The following TMC4 variants were observed in gnomAD, a reference collection of about 807,000 sequenced individuals.
TMC4 encodes voltage-gated chloride channel TMC4.
A neutral mutation model predicts 82.0 loss-of-function variants in TMC4; 70 were observed. That is an observed-to-expected ratio of 0.85 (90% CI 0.70 to 1.04). The LOEUF is 1.04. Among genes scored for constraint, TMC4 ranks in the 50% least tolerant of loss-of-function variants. The probability of loss-of-function intolerance (pLI) is 0.00; values close to 1 mark genes in which losing one functional copy is unlikely to be tolerated. For synonymous variants in TMC4, 446 were observed against 406.0 expected (o/e 1.10, Z -1.18); for missense variants, 879 against 899.0 (o/e 0.98, Z 0.28).
chr19:54,161,448 A>T (rs527957505), intron 11 of TMC4, among the ~76,000 whole-genome samples, 188 bp from the exon 12 acceptor site: 258 of 142,502 alleles, frequency 1.8e-3, no homozygotes, highest in Middle Eastern at 0.013. Context: ...TCCCGGGTTC[A>T]AGCTATTCTC....
At chr19:54,163,192 C>A (rs1253599218) in intron 8 of TMC4, 33 bp from the exon 9 acceptor site, 1 of 1,612,802 alleles carries the variant, frequency 6.2e-7, no homozygotes, top group East Asian at 2.2e-5. Context: ...TGGGCCCTGA[C>A]CCGGTACCCA....
At chr19:54,168,908 T>TTTC (rs1568746294) in intron 3 of TMC4, among the ~76,000 whole-genome samples, 1 of 15,370 alleles carries the variant, frequency 6.5e-5, no homozygotes, top group Non-Finnish European at 1.1e-4. Context: ...TTCTTTCTTC[T>TTTC]TTCTTTCCTT....
intron 12 of TMC4, 36 bp downstream of exon 12, chr19:54,161,094 G>C: frequency 6.2e-7 from 1 of 1,601,792 alleles, no homozygotes; most frequent in South Asian, 1.1e-5. Flanking sequence ...AATGGGGAGA[G>C]AGGGAGGGAG....
chr19:54,172,875 G>T, intron 1 of TMC4, 164 bp downstream of exon 1: 1 of 652,054 alleles, frequency 1.5e-6, no homozygotes, highest in East Asian at 2.8e-5. Flanking sequence ...TCAGACCCTG[G>T]AGTTCCAGCC....
intron 9 of TMC4, 85 bp from the exon 10 acceptor site, chr19:54,162,855 T>C: frequency 7.3e-6 from 11 of 1,505,880 alleles, no homozygotes; most frequent in Non-Finnish European, 9.2e-6. Context: ...ATCGCAAGCC[T>C]ATGAGACCCT....
intron 3 of TMC4, among the ~76,000 whole-genome samples, chr19:54,168,891 C>CTTTTCT (rs1198322520): frequency 4.3e-5 from 1 of 23,388 alleles, no homozygotes. Context: ...TCTTTTCTTT[C>CTTTTCT]TTTCCTTTCT....
intron 7 of TMC4, 152 bp downstream of exon 7, chr19:54,164,282 C>T: frequency 9.3e-7 from 1 of 1,077,538 alleles, no homozygotes; most frequent in South Asian, 1.6e-5. Flanking sequence ...CTCTCTTTTT[C>T]CTTTAAAATC....
intron 1 of TMC4, 122 bp downstream of exon 1, chr19:54,172,917 A>T (rs540853428): frequency 1.2e-6 from 1 of 810,138 alleles, no homozygotes; most frequent in South Asian, 1.8e-5. Flanking sequence ...AATATCAGGA[A>T]GTGGAACCTT....
At chr19:54,161,393 C>CT (rs2075551145) in intron 11 of TMC4, 133 bp from the exon 12 acceptor site, 7 of 1,098,392 alleles carry the variant, frequency 6.4e-6, no homozygotes, top group African/African-American at 3.3e-5. Flanking sequence ...GAGTCTCGCT[C>CT]TGTCGCCCAG....
intron 6 of TMC4, among the ~76,000 whole-genome samples, chr19:54,165,070 C>CT (rs34861271): frequency 0.24 from 31,990 of 136,006 alleles, 4,213 homozygotes; most frequent in Non-Finnish European, 0.29. Flanking sequence ...AAAAAACAAA[C>CT]TTTTTTTTTT....
In TMC4 at chr19:54,168,578, G is replaced by T. The variant is rs759918724; in HGVS notation, c.545C>A (p.Pro182His). Residue 182 changes from proline (P) to histidine (H), a missense_variant, in exon 4 of 15, where the codon CCC (proline) becomes CAC (histidine). Transcript: ENST00000619895. The part of the protein sequence containing the change: ...SVLMACMTLL[P>H]TWLGGAPPGP... ...TGGGGGAGCGCCTCCCAACCAGGTG[G>T]GCAGCAGCGTCATGCAGGCCATGAG... The T allele has an allele frequency of 8.2e-6, 13 of 1,587,906 alleles. No homozygotes were observed. The highest frequency in any genetic ancestry group is 1.0e-5 in the Non-Finnish European group (12 of 1,167,870).
At chr19:54,162,389 T>TTG in intron 10 of TMC4, 104 bp from the exon 11 acceptor site, 1 of 253,942 alleles carries the variant, frequency 3.9e-6, no homozygotes. Flanking sequence ...GTATTGGTGG[T>TTG]GGGGGGGGGG....
At chr19:54,166,911 C>T (rs2075719389) in intron 5 of TMC4, among the ~76,000 whole-genome samples, 1 of 151,722 alleles carries the variant, frequency 6.6e-6, no homozygotes, top group Non-Finnish European at 1.5e-5. Flanking sequence ...TGAGATCGCA[C>T]TACTGCACTC....
rs763155881 is a variant in TMC4 at position 54,172,011 on chromosome 19, A to C, written c.152T>G (p.Leu51Arg). The change falls in exon 2 of 15, where the codon CTG becomes CGG. Residue 51 changes from leucine to arginine, a missense_variant. Leu to Arg is a moderately radical substitution (Grantham distance 102, BLOSUM62 -2). Transcript: ENST00000619895. ...ATLRYRDPGV[L>R]PWGALEEEEE... The stretch of plus-strand genomic sequence containing the variant: ...CTCCTCCTCCAGCGCCCCCCAAGGC[A>C]GCACCCCAGGGTCTCGGTACCGAAG... 6.2e-7 allele frequency: 1 copy of C among 1,613,170 alleles called. No homozygotes were observed. The highest frequency in any genetic ancestry group is 1.1e-5 in the South Asian group (1 of 90,952).
At position 54,165,455 on chromosome 19, in the gene TMC4, C is replaced by G. The variant is rs767133969; in HGVS notation, c.909G>C (p.Val303=). Residue 303 remains valine, a synonymous_variant, in exon 6 of 15, where the codon GTG becomes GTC. Coordinates refer to ENST00000619895, the MANE Select transcript of TMC4 (RefSeq NM_144686.4). ...WDFGLCGDVH[V]RLRQRIILYE... ...ACAAGATGATGCGCTGGCGCAGCCG[C>G]ACGTGGACGTCCCCGCAGAGACCGA... The G allele has an allele frequency of 6.2e-7, 1 of 1,610,912 alleles. No individual in the cohort carries two copies. Among genetic ancestry groups the G allele is most frequent in the Non-Finnish European group, 8.5e-7 (1 of 1,177,758 alleles).
In TMC4 at chr19:54,171,951, G is replaced by A. The variant is rs747782845; in HGVS notation, c.212C>T (p.Thr71Ile). 21 of 1,613,686 alleles carry A rather than the reference G, an allele frequency of 1.3e-5. No individual in the cohort carries two copies. Among genetic ancestry groups the A allele is most frequent in the Non-Finnish European group, 1.8e-5 (21 of 1,179,836 alleles). The change falls in exon 2 of 15, where the codon ACA becomes ATA. Residue 71 changes from threonine (T) to isoleucine (I), a missense_variant. Thr to Ile is a moderately conservative substitution (Grantham distance 89). Transcript: ENST00000619895. Reference protein sequence around the residue: ...EDGGRSRKAFTEVTQTELQDP... With the variant: ...EDGGRSRKAFIEVTQTELQDP... ...CTGCAGCTCTGTCTGGGTGACTTCTGTGAAGGCCTTTCTGCTCCTTCCTCC... is the reference window on the plus strand; with the variant it reads ...CTGCAGCTCTGTCTGGGTGACTTCTATGAAGGCCTTTCTGCTCCTTCCTCC...
chr19:54,173,138 C>G lies in TMC4; in HGVS notation c.-21G>C. The G allele has an allele frequency of 6.2e-7, 1 of 1,612,104 alleles. No individual in the cohort carries two copies. The highest frequency in any genetic ancestry group is 8.5e-7 in the Non-Finnish European group (1 of 1,178,580). On this transcript the variant is annotated 5_prime_UTR_variant, in exon 1 of 15. Coordinates refer to ENST00000619895, the MANE Select transcript of TMC4 (RefSeq NM_144686.4). ...TCCATGGCCCCAGGCTGGGCTGTCTCTAGTGGCCACCAGGCAGACACTGCC... is the reference window on the plus strand; with the variant it reads ...TCCATGGCCCCAGGCTGGGCTGTCTGTAGTGGCCACCAGGCAGACACTGCC...
chr19:54,170,418 G>T (rs977818831), intron 2 of TMC4, among the ~76,000 whole-genome samples: 2 of 151,956 alleles, frequency 1.3e-5, no homozygotes, highest in Non-Finnish European at 2.9e-5. Context: ...GACGCACAGG[G>T]TGCTGTCATG....
chr19:54,173,066 A>G lies in TMC4; in HGVS notation c.52T>C (p.Trp18Arg). ...ESEAWGSSRE[W>R]LAPREARGGP... ...CCTCTGGCCTCCCGGGGGGCCAGCC[A>G]CTCCCTAGAGGAGCCCCAGGCTTCT... The change falls in exon 1 of 15, where the codon TGG becomes CGG. Residue 18 changes from tryptophan (W) to arginine (R), a missense_variant. Trp to Arg is a moderately radical substitution (Grantham distance 101). Coordinates refer to ENST00000619895, the MANE Select transcript of TMC4 (RefSeq NM_144686.4). 1 of 1,612,360 alleles carries G rather than the reference A, an allele frequency of 6.2e-7. No individual in the cohort carries two copies. Among genetic ancestry groups the G allele is most frequent in the Non-Finnish European group, 8.5e-7 (1 of 1,179,410 alleles).
Sources: gnomAD v4.1 joint callset for allele counts (sites outside exome capture counted in the v4.1 genomes callset) on GRCh38, gnomAD v4.1.1 for gene constraint, MANE v1.5 for transcripts, NCBI Gene and HGNC (gene_info 2026-07-23, HGNC 2026-07-21) for gene names.